The following ODAD4 variants were observed in gnomAD, a reference collection of about 807,000 sequenced individuals.
ODAD4 encodes outer dynein arm docking complex subunit 4.
In ODAD4, 49 loss-of-function variants were observed where a neutral mutation model predicts 51.8. The ratio of observed to expected loss-of-function variants is 0.95; its 90% CI spans 0.75 to 1.20. The LOEUF is 1.20. ODAD4 is among the 50% of genes most tolerant of loss of function. The pLI, the probability that ODAD4 is intolerant of heterozygous loss-of-function variation, is 0.00. For synonymous variants in ODAD4, 235 were observed against 221.3 expected (o/e 1.06, Z -0.55); for missense variants, 590 against 586.5 (o/e 1.01, Z -0.06).
chr17:41,963,690 A>G (rs2883066), intron 11 of ODAD4, among the ~76,000 whole-genome samples: 131,575 of 148,860 alleles, frequency 0.88, 58,531 homozygotes, highest in East Asian at 1. Flanking sequence ...CCAGGCTGGA[A>G]TGCAGTGGTG....
chr17:41,948,617 T>C (rs1049253384), intron 8 of ODAD4, among the ~76,000 whole-genome samples: 14 of 152,018 alleles, frequency 9.2e-5, no homozygotes, highest in African/African-American at 3.4e-4. Context: ...GGTAATAATA[T>C]TCTTAAACAT....
At chr17:41,957,223 C>T (rs1555641139) in intron 10 of ODAD4, among the ~76,000 whole-genome samples, 1 of 152,106 alleles carries the variant, frequency 6.6e-6, no homozygotes, top group African/African-American at 2.4e-5. Flanking sequence ...CAGCAGTCCC[C>T]AAGCTTTTTG....
At chr17:41,944,238 G>A (rs1031637307) in intron 7 of ODAD4, among the ~76,000 whole-genome samples, 1 of 151,442 alleles carries the variant, frequency 6.6e-6, no homozygotes, top group Non-Finnish European at 1.5e-5. Flanking sequence ...GGTGGCATGT[G>A]CCTGGAGTCC....
intron 1 of ODAD4, among the ~76,000 whole-genome samples, chr17:41,931,635 A>G (rs1598065325): frequency 6.6e-6 from 1 of 151,590 alleles, no homozygotes; most frequent in African/African-American, 2.4e-5. Context: ...CCGCCTCCCC[A>G]GGTTCAAGCG....
In ODAD4 at chr17:41,935,259, C is replaced by G; in HGVS notation, c.157C>G (p.Arg53Gly). ...TGGAGACAAGAACTGCCTGGTTGCT[C>G]GCTCAAAGTGCTTCCTGAAGATGGG... ...QDGDKNCLVA[R>G]SKCFLKMGDL... Residue 53 changes from arginine to glycine, a missense_variant, in exon 2 of 12, where the codon CGC (arginine) becomes GGC (glycine). Around this residue, in one of 3 missense-constraint regions of ODAD4, gnomAD observed 360 missense variants for 407.5 expected, o/e 0.88. Coordinates refer to ENST00000377540, the MANE Select transcript of ODAD4 (RefSeq NM_031421.5). The G allele has an allele frequency of 6.2e-7, 1 of 1,613,990 alleles. No homozygotes were observed. The highest frequency in any genetic ancestry group is 8.5e-7 in the Non-Finnish European group (1 of 1,179,898).
At chr17:41,953,662 T>G (rs1302053302) in intron 9 of ODAD4, among the ~76,000 whole-genome samples, 5 of 147,986 alleles carry the variant, frequency 3.4e-5, no homozygotes, top group South Asian at 2.2e-4. Flanking sequence ...ATTATATATA[T>G]ATATATAGAG....
At chr17:41,942,595 G>A (rs2050521609) in intron 7 of ODAD4, among the ~76,000 whole-genome samples, 1 of 152,192 alleles carries the variant, frequency 6.6e-6, no homozygotes, top group Non-Finnish European at 1.5e-5. Flanking sequence ...TGGCCCAGGG[G>A]CCAAGGAGAC....
intron 10 of ODAD4, among the ~76,000 whole-genome samples, chr17:41,958,117 C>G (rs2050756887): frequency 6.6e-6 from 1 of 152,126 alleles, no homozygotes; most frequent in South Asian, 2.1e-4. Flanking sequence ...GCTGTTATCT[C>G]TGCCTGGAAT....
intron 7 of ODAD4, among the ~76,000 whole-genome samples, chr17:41,944,444 A>ACACACACACACACCCC (rs1191101800): frequency 1.0e-3 from 20 of 19,556 alleles, no homozygotes; most frequent in African/African-American, 1.9e-3. Context: ...ACACACACAC[A>ACACACACACACACCCC]CCCCCCCGCA....
chr17:41,951,870 C>T (rs1390874218), intron 9 of ODAD4, among the ~76,000 whole-genome samples: 5 of 109,486 alleles, frequency 4.6e-5, no homozygotes, highest in Non-Finnish European at 8.5e-5. Flanking sequence ...GGTGAAAGAA[C>T]GAGACTCTGT....
chr17:41,956,160 G>T (rs548708378), intron 10 of ODAD4, among the ~76,000 whole-genome samples: 44 of 149,610 alleles, frequency 2.9e-4, no homozygotes, highest in Non-Finnish European at 4.4e-4. Context: ...CGATTCACCT[G>T]CCTCAGCCTC....
intron 7 of ODAD4, among the ~76,000 whole-genome samples, chr17:41,943,150 G>A (rs782317104): frequency 1.1e-4 from 16 of 152,158 alleles, no homozygotes; most frequent in Non-Finnish European, 2.4e-4. Context: ...CCAGGATGAT[G>A]TTGTTGGAAT....
chr17:41,939,107 T>G lies in ODAD4; in HGVS notation c.993T>G (p.Ile331Met). 2 of 1,613,962 alleles carry G rather than the reference T, an allele frequency of 1.2e-6. No homozygotes were observed. Among genetic ancestry groups the G allele is most frequent in the South Asian group, 2.2e-5 (2 of 91,086 alleles). The change falls in exon 7 of 12, where the codon ATT becomes ATG. Residue 331 changes from isoleucine (I) to methionine (M), a missense_variant. Coordinates refer to ENST00000377540, the MANE Select transcript of ODAD4 (RefSeq NM_031421.5). ...NLYSCIGNAQ[I>M]ELGQMEAALQ... The stretch of plus-strand genomic sequence containing the variant: ...ATAGCTGCATAGGGAATGCCCAGAT[T>G]GAGCTGGGGCAGATGGAGGCAGCCC...
In ODAD4 at chr17:41,944,423, CACACACACACACACA is replaced by C. The variant is rs1567932940; in HGVS notation, c.1059-712_1059-698del. On this transcript the variant is annotated intron_variant, in intron 7 of 11. Coordinates refer to ENST00000377540, the MANE Select transcript of ODAD4 (RefSeq NM_031421.5). ...ACACACACACACACACACACACACA[CACACACACACACACA>C]CACACACCCCCCCGCATACACAGAA... 2.8e-3 allele frequency among the ~76,000 whole-genome samples: 23 copies of C among 8,244 alleles called. 2 individuals carry two copies. The highest frequency in any genetic ancestry group is 4.1e-3 in the African/African-American group (22 of 5,368). 5.4% of individuals were successfully genotyped at this position (8,244 alleles called of 152,430 possible).
In ODAD4 at chr17:41,955,244, T is replaced by C; in HGVS notation, c.1370T>C (p.Val457Ala). 2.6e-6 allele frequency: 2 copies of C among 779,602 alleles called. No homozygotes were observed. Among genetic ancestry groups the C allele is most frequent in the Non-Finnish European group, 4.8e-6 (2 of 417,494 alleles). 48.3% of individuals were successfully genotyped at this position (779,602 alleles called of 1,614,324 possible). A position where few individuals can be genotyped will look rare whatever the true frequency, so the allele number is the denominator to read the frequency against. Reference protein sequence around the residue: ...QVKLRDFESAVNNFEKALERA... With the variant: ...QVKLRDFESAANNFEKALERA... ...AAGCTGAGAGACTTCGAGTCAGCCG[T>C]GAACAATTTTGAGAAGGCCCTGGAG... The change falls in exon 10 of 12, where the codon GTG becomes GCG. Residue 457 changes from valine (V) to alanine (A), a missense_variant. Around this residue, in one of 3 missense-constraint regions of ODAD4, gnomAD observed 226 missense variants for 162.7 expected, o/e 1.39. Coordinates refer to ENST00000377540, the MANE Select transcript of ODAD4 (RefSeq NM_031421.5).
chr17:41,954,349 A>G (rs540575523), intron 9 of ODAD4, among the ~76,000 whole-genome samples: 93 of 152,170 alleles, frequency 6.1e-4, no homozygotes, highest in African/African-American at 2.2e-3. Flanking sequence ...CAATCACTCA[A>G]TCAATCTGCT....
rs142232363 is a variant in ODAD4 at position 41,957,500 on chromosome 17, C to A, written c.1443+2183C>A. Among the ~76,000 whole-genome samples the A allele has an allele frequency of 9.8e-5, 15 of 152,304 alleles. No homozygotes were observed. In the East Asian group the frequency reaches 2.9e-3, roughly 29 times the overall value. On this transcript the variant is annotated intron_variant, in intron 10 of 11. Coordinates refer to ENST00000377540, the MANE Select transcript of ODAD4 (RefSeq NM_031421.5). The stretch of plus-strand genomic sequence containing the variant: ...GGCCCGGTTCCTAACAGGCCATGGA[C>A]CAGTCAGTGGCCCAGGGTCTAAATT...
chr17:41,944,435 CACACA>C (rs1567933084), intron 7 of ODAD4, among the ~76,000 whole-genome samples: 116 of 4,444 alleles, frequency 0.026, 7 homozygotes, highest in East Asian at 0.12. Context: ...CACACACACA[CACACA>C]CACACCCCCC....
chr17:41,954,413 C>T (rs879946193), intron 9 of ODAD4, among the ~76,000 whole-genome samples: 3 of 152,066 alleles, frequency 2.0e-5, no homozygotes, highest in African/African-American at 2.4e-5. Context: ...CCAGATGAGC[C>T]GCTTTTTCTA....
Sources: allele counts gnomAD v4.1 joint callset (sites outside exome capture counted in the v4.1 genomes callset), GRCh38; gene constraint gnomAD v4.1.1; regional missense constraint gnomAD v4.1.1; transcripts MANE v1.5; gene names NCBI Gene and HGNC (gene_info 2026-07-23, HGNC 2026-07-21).